CRTAP: variants seen among roughly 807,000 people sequenced by gnomAD.
The protein encoded by CRTAP is cartilage-associated protein.
A neutral mutation model predicts 42.7 loss-of-function variants in CRTAP; 33 were observed. The ratio of observed to expected loss-of-function variants is 0.77; its 90% CI spans 0.59 to 1.03. CRTAP has a LOEUF of 1.03. Among genes scored for constraint, CRTAP ranks in the 50% least tolerant of loss-of-function variants. The pLI is 0.00. For synonymous variants in CRTAP, 243 were observed against 217.7 expected, an observed-to-expected ratio of 1.12 and a Z score of -1.02; for missense variants, 613 against 533.9, an observed-to-expected ratio of 1.15 and a Z score of -1.46.
At chr3:33,129,797 G>T in intron 3 of CRTAP, 142 bp from the exon 4 acceptor site, 1 of 685,692 alleles carries the variant, frequency 1.5e-6, no homozygotes, top group South Asian at 1.5e-5. Flanking sequence ...TCAGCCTCCC[G>T]AAGTGCTGGG....
chr3:33,141,076 A>T (rs1418717139), intron 6 of CRTAP, among the ~76,000 whole-genome samples: 1 of 152,178 alleles, frequency 6.6e-6, no homozygotes, highest in Non-Finnish European at 1.5e-5. Flanking sequence ...AGCCATTAGC[A>T]AGCAGCCCTC....
Position 33,142,844 on chromosome 3 carries a change from G to A in CRTAP, c.*396G>A. On this transcript the variant is annotated 3_prime_UTR_variant, in exon 7 of 7. Coordinates refer to ENST00000320954, the MANE Select transcript of CRTAP (RefSeq NM_006371.5). ...TAATTTTGTATTTTTAGTAGAGACG[G>A]GGTTTTGCCATGTTGGCCAGGCTGG... is the stretch of plus-strand genomic sequence containing the variant. The A allele has an allele frequency of 4.4e-6, 1 of 226,438 alleles. No homozygotes were observed. The highest frequency in any genetic ancestry group is 8.9e-6 in the Non-Finnish European group (1 of 112,076). 14.0% of individuals were successfully genotyped at this position (226,438 alleles called of 1,614,324 possible).
chr3:33,130,525 C>CTTTTTTTT (rs765558103), intron 4 of CRTAP, among the ~76,000 whole-genome samples: 109 of 55,246 alleles, frequency 2.0e-3, no homozygotes, highest in East Asian at 2.7e-3. Flanking sequence ...CTTTTCTTTT[C>CTTTTTTTT]TTTTTTTTTT....
chr3:33,126,410 T>G (rs72857471), intron 3 of CRTAP, among the ~76,000 whole-genome samples: 3,669 of 152,296 alleles, frequency 0.024, 153 homozygotes, highest in African/African-American at 0.082. Flanking sequence ...TTTTGCTGAC[T>G]GTATCCCCAT....
At position 33,143,779 on chromosome 3, in the gene CRTAP, C is replaced by T. The variant is rs1279474139; in HGVS notation, c.*1331C>T. ...GAGCAGAGACGTTAGGGAAGTGGAT[C>T]CTGGACAAGGCATTCCAGGCAGAGG... On this transcript the variant is annotated 3_prime_UTR_variant, in exon 7 of 7. Coordinates refer to ENST00000320954, the MANE Select transcript of CRTAP (RefSeq NM_006371.5). The T allele has an allele frequency of 6.6e-6, 1 of 152,134 alleles. No homozygotes were observed. Among genetic ancestry groups the T allele is most frequent in the Non-Finnish European group, 1.5e-5 (1 of 68,062 alleles). The allele number at this position is 152,134 out of a possible 1,614,324, so 9.4% of individuals were successfully genotyped here.
At chr3:33,117,230 C>T (rs550491575) in intron 1 of CRTAP, among the ~76,000 whole-genome samples, 7 of 152,276 alleles carry the variant, frequency 4.6e-5, no homozygotes, top group Middle Eastern at 3.4e-3. Context: ...GTAGATAGTG[C>T]GCTGTGGCAG....
At chr3:33,114,586 C>G in intron 1 of CRTAP, 38 bp downstream of exon 1, 1 of 1,543,562 alleles carries the variant, frequency 6.5e-7, no homozygotes, top group South Asian at 1.2e-5. Context: ...CCCGGCCCCG[C>G]CCCTGACCCA....
chr3:33,114,120 C>A lies in CRTAP; in HGVS notation c.43C>A (p.Leu15Met). ...GGGGGCCGCGGCGCTGCTAGCGCTGCTGTGCGTGGCCTGCGCGCTGCGCGC... is the reference window on the plus strand; with the variant it reads ...GGGGGCCGCGGCGCTGCTAGCGCTGATGTGCGTGGCCTGCGCGCTGCGCGC... The part of the protein sequence containing the change: ...RRGAAALLAL[L>M]CVACALRAGR... The change falls in exon 1 of 7, where the codon CTG becomes ATG. Residue 15 changes from leucine to methionine, a missense_variant. By Grantham distance (15) the Leu-to-Met change is conservative (BLOSUM62 2). Transcript: ENST00000320954. 1 of 1,539,878 alleles carries A rather than the reference C, an allele frequency of 6.5e-7. No individual in the cohort carries two copies. Among genetic ancestry groups the A allele is most frequent in the Non-Finnish European group, 8.7e-7 (1 of 1,154,140 alleles).
chr3:33,125,474 C>T (rs2030030756), intron 3 of CRTAP, among the ~76,000 whole-genome samples: 2 of 83,360 alleles, frequency 2.4e-5, no homozygotes, highest in Admixed American at 1.2e-4. Flanking sequence ...ATTCATTAAT[C>T]TCTTTCTACA....
At chr3:33,129,553 T>TC (rs2030179106) in intron 3 of CRTAP, among the ~76,000 whole-genome samples, 2 of 148,774 alleles carry the variant, frequency 1.3e-5, no homozygotes, top group Non-Finnish European at 3.0e-5. Flanking sequence ...TTTTTTTTTT[T>TC]TGGAGACGGA....
Position 33,130,075 on chromosome 3 carries a change from ATCTT to A in CRTAP, c.922+9_922+12del. 4.3e-6 allele frequency: 7 copies of A among 1,612,838 alleles called. No individual in the cohort carries two copies. Among genetic ancestry groups the A allele is most frequent in the Non-Finnish European group, 5.9e-6 (7 of 1,179,050 alleles). On this transcript the variant is annotated intron_variant, in intron 4 of 6. Transcript: ENST00000320954. Reference sequence around the variant, plus strand: ...AGTTTGCCTATTATAAGTGTAAGTAATCTTCTGTGACATCTTGGGTGAGGCACTT... The same window carrying A: ...AGTTTGCCTATTATAAGTGTAAGTAACTGTGACATCTTGGGTGAGGCACTT...
In CRTAP at chr3:33,131,576, A is replaced by G. The variant is rs531409849; in HGVS notation, c.923-979A>G. On this transcript the variant is annotated intron_variant, in intron 4 of 6. Transcript: ENST00000320954. Reference sequence around the variant, plus strand: ...CACTGGTGGACTGAGGCCTCTAGCTATGCTTGCTGCTTCCCAGGAAATCTG... The same window carrying G: ...CACTGGTGGACTGAGGCCTCTAGCTGTGCTTGCTGCTTCCCAGGAAATCTG... 7.9e-5 allele frequency among the ~76,000 whole-genome samples: 12 copies of G among 152,244 alleles called. No homozygotes were observed. In the South Asian group the frequency reaches 2.3e-3, roughly 29 times the overall value.
In CRTAP at chr3:33,114,031, C is replaced by A; in HGVS notation, c.-47C>A. 1 of 1,367,506 alleles carries A rather than the reference C, an allele frequency of 7.3e-7. No individual in the cohort carries two copies. Among genetic ancestry groups the A allele is most frequent in the Non-Finnish European group, 9.6e-7 (1 of 1,038,606 alleles). 84.7% of individuals were successfully genotyped at this position (1,367,506 alleles called of 1,614,324 possible). A position where few individuals can be genotyped will look rare whatever the true frequency, so the allele number is the denominator to read the frequency against. On this transcript the variant is annotated 5_prime_UTR_variant, in exon 1 of 7. Transcript: ENST00000320954. ...TCCTCTTTCCTTTCCTTCTCCCTCCCCTTTTCCCTTCCTTCGTCCCTTCCT... is the reference window on the plus strand; with the variant it reads ...TCCTCTTTCCTTTCCTTCTCCCTCCACTTTTCCCTTCCTTCGTCCCTTCCT...
At chr3:33,125,600 G>C (rs2030042552) in intron 3 of CRTAP, among the ~76,000 whole-genome samples, 1 of 137,724 alleles carries the variant, frequency 7.3e-6, no homozygotes, top group South Asian at 2.4e-4. Context: ...ATGTACCCAT[G>C]ACCCAACTTC....
intron 1 of CRTAP, 79 bp downstream of exon 1, chr3:33,114,627 C>G: frequency 7.2e-7 from 1 of 1,392,862 alleles, no homozygotes; most frequent in Non-Finnish European, 9.8e-7. Flanking sequence ...CCCCTGCGCC[C>G]GGGGCCGCGT....
chr3:33,125,491 G>GTTTTTTTTTT (rs60498778), intron 3 of CRTAP, among the ~76,000 whole-genome samples: 7 of 30,136 alleles, frequency 2.3e-4, no homozygotes, highest in Non-Finnish European at 3.4e-4. Context: ...TACAAAGTAG[G>GTTTTTTTTTT]TTTTTTTTTT....
intron 1 of CRTAP, among the ~76,000 whole-genome samples, chr3:33,118,657 C>A (rs1377888770): frequency 6.6e-6 from 1 of 152,228 alleles, no homozygotes; most frequent in Non-Finnish European, 1.5e-5. Context: ...TCCCTAATTC[C>A]CGCCTTGGAG....
chr3:33,133,488 G>C (rs143783240), intron 5 of CRTAP, among the ~76,000 whole-genome samples: 419 of 138,022 alleles, frequency 3.0e-3, no homozygotes, highest in Admixed American at 6.4e-3. Flanking sequence ...GGCTTCAGGT[G>C]ATCTGCCCAC....
rs756963885 is a variant in CRTAP at position 33,132,614 on chromosome 3, G to A, written c.982G>A (p.Asp328Asn). The change falls in exon 5 of 7, where the codon GAC becomes AAC. Residue 328 changes from aspartate to asparagine, a missense_variant. Physicochemically the swap from Asp to Asn is conservative, Grantham distance 23. Transcript: ENST00000320954. ...CAGCTATCTGCTCTTTGATCAGAATGACAAGGTCATGCAGCAGAACCTGGT... is the reference window on the plus strand; with the variant it reads ...CAGCTATCTGCTCTTTGATCAGAATAACAAGGTCATGCAGCAGAACCTGGT... ...AVSYLLFDQN[D>N]KVMQQNLVYY... is the part of the protein sequence containing the mutation. The A allele has an allele frequency of 6.2e-7, 1 of 1,614,196 alleles. No homozygotes were observed. Among genetic ancestry groups the A allele is most frequent in the East Asian group, 2.2e-5 (1 of 44,886 alleles).
Sources: gnomAD v4.1 joint callset for allele counts (sites outside exome capture counted in the v4.1 genomes callset) on GRCh38, gnomAD v4.1.1 for gene constraint, MANE v1.5 for transcripts, NCBI Gene and HGNC (gene_info 2026-07-23, HGNC 2026-07-21) for gene names.